The following SATL1 variants were observed in gnomAD, a reference collection of about 807,000 sequenced individuals.
SATL1 encodes spermidine/spermine N(1)-acetyltransferase-like protein 1.
SATL1 carries 47 observed loss-of-function variants against 51.8 expected under a neutral mutation model. The observed-to-expected ratio is 0.91, with a 90% CI of 0.72 to 1.16. The LOEUF (loss-of-function observed/expected upper bound fraction) is 1.16, where lower values mean the gene tolerates loss of function less well. SATL1 is among the 50% of genes most tolerant of loss of function. SATL1 has a pLI of 0.00. For missense variants in SATL1, 520 were observed against 526.4 expected, an observed-to-expected ratio of 0.99 and a Z score of 0.12; for synonymous variants, 176 against 182.4, an observed-to-expected ratio of 0.97 and a Z score of 0.28.
intron 2 of SATL1, chrX:85,212,099 T>C (rs752540225): frequency 2.2e-4 from 24 of 111,545 alleles, no homozygotes; most frequent in Non-Finnish European, 3.8e-4. Context: ...TACAAGTAAG[T>C]TACCTTAAAA....
chrX:85,180,189 C>A (rs181413932), intron 2 of SATL1, among the ~76,000 whole-genome samples: 45 of 111,341 alleles, frequency 4.0e-4, no homozygotes, highest in African/African-American at 1.3e-3. Context: ...TCAAAGCACT[C>A]TATTAGGTTG....
At chrX:85,230,370 G>A (rs1177150870) in intron 1 of SATL1, among the ~76,000 whole-genome samples, 1 of 111,709 alleles carries the variant, frequency 9.0e-6, no homozygotes, top group Non-Finnish European at 1.9e-5. Context: ...ATATACACAT[G>A]CAAAATAATG....
At chrX:85,140,127 A>G (rs908708715) in intron 2 of SATL1, among the ~76,000 whole-genome samples, 4 of 109,145 alleles carry the variant, frequency 3.7e-5, no homozygotes, top group African/African-American at 1.3e-4. Context: ...TTTTAAATTA[A>G]CCCCTACTTC....
chrX:85,138,985 A>G (rs1258896772), intron 2 of SATL1, among the ~76,000 whole-genome samples: 3 of 111,460 alleles, frequency 2.7e-5, no homozygotes, highest in Admixed American at 9.6e-5. Context: ...TATTATTATT[A>G]CTTTTTTACT....
intron 2 of SATL1, among the ~76,000 whole-genome samples, chrX:85,221,378 C>T (rs1161549441): frequency 8.9e-6 from 1 of 112,043 alleles, no homozygotes; most frequent in Non-Finnish European, 1.9e-5. Flanking sequence ...TTCCCATGTA[C>T]AAATGAGGAA....
chrX:85,201,962 T>C (rs949459499), intron 2 of SATL1, among the ~76,000 whole-genome samples: 1 of 112,000 alleles, frequency 8.9e-6, no homozygotes, highest in Non-Finnish European at 1.9e-5. Context: ...TGCTTTATAT[T>C]CCTTTGGCTA....
intron 1 of SATL1, among the ~76,000 whole-genome samples, chrX:85,233,809 A>G (rs1928427890): frequency 9.0e-6 from 1 of 111,522 alleles, no homozygotes; most frequent in Admixed American, 9.5e-5. Flanking sequence ...TAGCCTCAAT[A>G]AGGGCAAATC....
intron 2 of SATL1, among the ~76,000 whole-genome samples, chrX:85,112,312 A>G (rs1925277816): frequency 9.6e-6 from 1 of 103,924 alleles, no homozygotes; most frequent in Non-Finnish European, 2.0e-5. Flanking sequence ...AGATCGTGCC[A>G]CTGCACTCCA....
At chrX:85,164,368 T>G in intron 2 of SATL1, among the ~76,000 whole-genome samples, 1 of 111,713 alleles carries the variant, frequency 9.0e-6, no homozygotes, top group Non-Finnish European at 1.9e-5. Flanking sequence ...TGTATTTTAG[T>G]GTATTTTGAG....
chrX:85,157,377 G>C (rs1926622862), intron 2 of SATL1, among the ~76,000 whole-genome samples: 1 of 111,269 alleles, frequency 9.0e-6, no homozygotes, highest in Non-Finnish European at 1.9e-5. Flanking sequence ...AAGTACTCTA[G>C]GTGAATATCC....
At chrX:85,099,805 C>T (rs1924843797) in intron 4 of SATL1, among the ~76,000 whole-genome samples, 1 of 112,381 alleles carries the variant, frequency 8.9e-6, no homozygotes, top group East Asian at 2.8e-4. Context: ...TGACTGAAAA[C>T]ATTCCCCTAA....
intron 2 of SATL1, among the ~76,000 whole-genome samples, chrX:85,182,025 T>A (rs986019768): frequency 9.0e-6 from 1 of 111,309 alleles, no homozygotes; most frequent in African/African-American, 3.3e-5. Flanking sequence ...GTTATGCATA[T>A]AATGTATATT....
rs907760016 is a variant in SATL1 at position 85,134,374 on chromosome X, G to A, written c.-312-25094C>T. Among the ~76,000 whole-genome samples the A allele has an allele frequency of 2.6e-4, 29 of 111,749 alleles. 1 individual carries two copies. Among genetic ancestry groups the A allele is most frequent in the Non-Finnish European group, 1.9e-5 (1 of 53,114 alleles). On this transcript the variant is annotated intron_variant, in intron 2 of 7. Coordinates refer to ENST00000644105, the MANE Select transcript of SATL1 (RefSeq NM_001367857.2). ...AACCTTGCAGATTAAATTGAAGGTA[G>A]AGGTGAAGCTCTCATTTACTTAACC...
intron 4 of SATL1, among the ~76,000 whole-genome samples, chrX:85,098,095 G>A (rs1396985738): frequency 9.0e-6 from 1 of 111,729 alleles, no homozygotes; most frequent in South Asian, 3.7e-4. Context: ...GAGACATACT[G>A]TAGATCCAGT....
chrX:85,107,529 G>T lies in SATL1; in HGVS notation c.1440C>A (p.Gly480=), dbSNP rs1003069166. 6 of 1,210,940 alleles carry T rather than the reference G, an allele frequency of 5.0e-6. No individual in the cohort carries two copies. The African/African-American group carries it at 1.0e-4, about 21-fold the overall frequency. Residue 480 remains glycine (G), a synonymous_variant, in exon 3 of 8, where the codon GGC becomes GGA. Coordinates refer to ENST00000644105, the MANE Select transcript of SATL1 (RefSeq NM_001367857.2). The stretch of plus-strand genomic sequence containing the variant: ...GCTGACTCGGCCCCGGTTCCCATAT[G>T]CCTGGTTGGCCCCTGCCTGGATGGC... ...GMSHPGRGQP[G]IWEPGPSQPG...
intron 2 of SATL1, among the ~76,000 whole-genome samples, chrX:85,149,512 A>AT (rs1305054699): frequency 9.0e-6 from 1 of 111,607 alleles, no homozygotes; most frequent in African/African-American, 3.3e-5. Context: ...CAGAATATAC[A>AT]TTTTTTCAAC....
chrX:85,165,911 A>G (rs1438066417), intron 2 of SATL1, among the ~76,000 whole-genome samples: 1 of 111,937 alleles, frequency 8.9e-6, no homozygotes, highest in East Asian at 2.8e-4. Context: ...GCAGCATGGC[A>G]CTGGTATAAT....
At chrX:85,144,349 C>T (rs1257847236) in intron 2 of SATL1, among the ~76,000 whole-genome samples, 3 of 111,392 alleles carry the variant, frequency 2.7e-5, no homozygotes, top group African/African-American at 6.5e-5. Context: ...GAAAAAAATA[C>T]GCTCTACAAA....
At chrX:85,110,227 G>C (rs1193826980) in intron 2 of SATL1, among the ~76,000 whole-genome samples, 4 of 110,933 alleles carry the variant, frequency 3.6e-5, no homozygotes, top group Admixed American at 1.9e-4. Flanking sequence ...ATCTTTCCAG[G>C]CTTTTTATTA....
Sources: allele counts gnomAD v4.1 joint callset (sites outside exome capture counted in the v4.1 genomes callset), GRCh38; gene constraint gnomAD v4.1.1; transcripts MANE v1.5; gene names NCBI Gene and HGNC (gene_info 2026-07-23, HGNC 2026-07-21).